Variants in BCAS3 observed in about 807,000 individuals in gnomAD.
BCAS3 encodes BCAS3 microtubule associated cell migration factor.
In BCAS3, 53 loss-of-function variants were observed where a neutral mutation model predicts 116.1. The observed-to-expected ratio is 0.46, with a 90% CI of 0.37 to 0.57. BCAS3 has a LOEUF of 0.57. Ranked by LOEUF, BCAS3 falls within the 20% of genes least tolerant of loss-of-function variation. The probability of loss-of-function intolerance (pLI) is 0.00; values close to 1 mark genes in which losing one functional copy is unlikely to be tolerated. For synonymous variants in BCAS3, 391 were observed against 408.2 expected (o/e 0.96, Z 0.51); for missense variants, 917 against 1,165.4 (o/e 0.79, Z 3.10).
At chr17:60,750,555 G>A (rs1201083620) in intron 6 of BCAS3, among the ~76,000 whole-genome samples, 2 of 152,172 alleles carry the variant, frequency 1.3e-5, no homozygotes, top group Non-Finnish European at 2.9e-5. Flanking sequence ...ACATGATTGT[G>A]TACATAGAAA....
In BCAS3 at chr17:61,032,293, T is replaced by C. The variant is rs1018484098; in HGVS notation, c.1638-2373T>C. 2.0e-5 allele frequency among the ~76,000 whole-genome samples: 3 copies of C among 152,162 alleles called. No homozygotes were observed. The highest frequency in any genetic ancestry group is 6.5e-5 in the Admixed American group (1 of 15,268). On this transcript the variant is annotated intron_variant, in intron 16 of 23. Transcript: ENST00000407086. This position sits in a 1 kb window ranked among gnomAD's most constrained non-coding sequence, Gnocchi z 4.6. Reference sequence around the variant, plus strand: ...GCTTTGAGTTTGTCCCAATGAAGCTTGTTGGTACATTGTAGTAGCTTTGTT... The same window carrying C: ...GCTTTGAGTTTGTCCCAATGAAGCTCGTTGGTACATTGTAGTAGCTTTGTT...
At chr17:61,386,436 C>T (rs552004398) in intron 23 of BCAS3, among the ~76,000 whole-genome samples, 2 of 152,212 alleles carry the variant, frequency 1.3e-5, no homozygotes, top group African/African-American at 4.8e-5. Flanking sequence ...CACCAGTCAG[C>T]GTGGGTGGAG....
At chr17:60,977,967 T>G (rs1002067587) in intron 14 of BCAS3, among the ~76,000 whole-genome samples, 2 of 143,344 alleles carry the variant, frequency 1.4e-5, no homozygotes, top group Admixed American at 1.3e-4. Flanking sequence ...AAAATACATG[T>G]GCATGTGTCT....
At chr17:61,342,873 C>T (rs942979277) in intron 22 of BCAS3, among the ~76,000 whole-genome samples, 9 of 151,964 alleles carry the variant, frequency 5.9e-5, no homozygotes, top group Non-Finnish European at 1.2e-4. Context: ...CCTCAGCCTC[C>T]GAACTAGCTG....
intron 9 of BCAS3, among the ~76,000 whole-genome samples, chr17:60,879,317 T>A (rs2055899627): frequency 6.6e-6 from 1 of 152,210 alleles, no homozygotes; most frequent in South Asian, 2.1e-4. Context: ...ACCTTTTTAG[T>A]GCATTGGTTA....
intron 22 of BCAS3, among the ~76,000 whole-genome samples, chr17:61,185,542 A>G (rs926981271): frequency 2.0e-5 from 3 of 152,162 alleles, no homozygotes; most frequent in African/African-American, 7.2e-5. Context: ...AGTGGTTGAT[A>G]CACTCCAGTT....
chr17:60,802,960 T>G (rs917289018), intron 6 of BCAS3, among the ~76,000 whole-genome samples: 3 of 151,448 alleles, frequency 2.0e-5, no homozygotes, highest in Admixed American at 2.0e-4. Flanking sequence ...TTTGGTTGTG[T>G]TGTTTGTTTG....
rs34693526 is a variant in BCAS3 at position 61,271,589 on chromosome 17, CTGTGTG to C, written c.2426-96698_2426-96693del. Among the ~76,000 whole-genome samples, 754 of 118,400 alleles carry C rather than the reference CTGTGTG, an allele frequency of 6.4e-3. 4 individuals are homozygous for C. The highest frequency in any genetic ancestry group is 0.011 in the South Asian group (34 of 3,134). 77.7% of individuals were successfully genotyped at this position (118,400 alleles called of 152,430 possible). A position where few individuals can be genotyped will look rare whatever the true frequency, so the allele number is the denominator to read the frequency against. The stretch of plus-strand genomic sequence containing the variant: ...CAGGCGCCCGCCATCACGCCCAGCT[CTGTGTG>C]TGTGTGTGTGTGTGTGTGTGTGTGT... On this transcript the variant is annotated intron_variant, in intron 22 of 23. Transcript: ENST00000407086.
Position 61,198,214 on chromosome 17 carries a change from T to C in BCAS3, c.2425+113650T>C, listed in dbSNP as rs112277990. Among the ~76,000 whole-genome samples the C allele has an allele frequency of 2.0e-5, 3 of 151,712 alleles. No homozygotes were observed. Among genetic ancestry groups the C allele is most frequent in the African/African-American group, 7.3e-5 (3 of 41,244 alleles). ...GGAGTGCAGTGGCCCAATCTCAGCTTACTGCAAGCTCCACCTCCCAGGTTC... is the reference window on the plus strand; with the variant it reads ...GGAGTGCAGTGGCCCAATCTCAGCTCACTGCAAGCTCCACCTCCCAGGTTC... On this transcript the variant is annotated intron_variant, in intron 22 of 23. Transcript: ENST00000407086. The surrounding 1 kb of genome is among the most constrained non-coding windows in gnomAD (Gnocchi z 5.0).
At chr17:60,857,740 C>G (rs927095845) in intron 7 of BCAS3, among the ~76,000 whole-genome samples, 1 of 152,150 alleles carries the variant, frequency 6.6e-6, no homozygotes, top group African/African-American at 2.4e-5. Flanking sequence ...GTGTTATTGG[C>G]AGGAAACGTG....
chr17:60,815,917 T>C (rs1426535866), intron 7 of BCAS3, among the ~76,000 whole-genome samples: 5 of 152,220 alleles, frequency 3.3e-5, no homozygotes, highest in Non-Finnish European at 7.3e-5. Context: ...TATATATATA[T>C]TTTGCCTAAG....
At chr17:60,884,702 C>T (rs1023817077) in intron 9 of BCAS3, among the ~76,000 whole-genome samples, 19 of 144,152 alleles carry the variant, frequency 1.3e-4, no homozygotes, top group Middle Eastern at 3.4e-3. Flanking sequence ...TCGTTATGTA[C>T]CCAGTAGTCA....
chr17:61,146,380 G>C (rs1267863098), intron 22 of BCAS3, among the ~76,000 whole-genome samples: 1 of 151,514 alleles, frequency 6.6e-6, no homozygotes, highest in Non-Finnish European at 1.5e-5. Context: ...GCCTCCTAAA[G>C]TGCTCGGATT....
In BCAS3 at chr17:61,309,231, G is replaced by A. The variant is rs115895636; in HGVS notation, c.2426-59096G>A. Among the ~76,000 whole-genome samples, 606 of 152,310 alleles carry A rather than the reference G, an allele frequency of 4.0e-3. 3 individuals are homozygous for A. Among genetic ancestry groups the A allele is most frequent in the African/African-American group, 0.014 (571 of 41,574 alleles). ...ATAAGGGAATTAGATAACTCTCTAC[G>A]TGATTTGCAAACACCTCAAAATTGT... On this transcript the variant is annotated intron_variant, in intron 22 of 23. Transcript: ENST00000407086. The surrounding 1 kb of genome is among the most constrained non-coding windows in gnomAD (Gnocchi z 4.6).
In BCAS3 at chr17:61,366,697, G is replaced by T. The variant is rs1418512514; in HGVS notation, c.2426-1630G>T. Among the ~76,000 whole-genome samples, 1 of 152,186 alleles carries T rather than the reference G, an allele frequency of 6.6e-6. No individual in the cohort carries two copies. Among genetic ancestry groups the T allele is most frequent in the East Asian group, 1.9e-4 (1 of 5,196 alleles). ...ATTCTCAAGTCCTACCTGACAAGCT[G>T]ATCCCAAGCAACCCACTCCTAAGGT... On this transcript the variant is annotated intron_variant, in intron 22 of 23. Transcript: ENST00000407086. This position sits in a 1 kb window ranked among gnomAD's most constrained non-coding sequence, Gnocchi z 4.5.
chr17:61,353,897 G>C (rs2058008883), intron 22 of BCAS3: 1 of 152,214 alleles, frequency 6.6e-6, no homozygotes, highest in East Asian at 1.9e-4. Flanking sequence ...CACTTTGTGT[G>C]ATAAATTGTA....
In BCAS3 at chr17:61,082,244, C is replaced by T. The variant is rs983249550; in HGVS notation, c.2328-2223C>T. Reference sequence around the variant, plus strand: ...TTTTATTTAACTGAGATATAATTCACATAACATGAAATTTACCAGTTTTAA... The same window carrying T: ...TTTTATTTAACTGAGATATAATTCATATAACATGAAATTTACCAGTTTTAA... On this transcript the variant is annotated intron_variant, in intron 21 of 23. Transcript: ENST00000407086. This position sits in a 1 kb window ranked among gnomAD's most constrained non-coding sequence, Gnocchi z 5.1. 6.6e-6 allele frequency among the ~76,000 whole-genome samples: 1 copy of T among 152,124 alleles called. No individual in the cohort carries two copies. The highest frequency in any genetic ancestry group is 2.4e-5 in the African/African-American group (1 of 41,434).
rs1188080336 is a variant in BCAS3, at chr17:61,285,376, C to G, written c.2426-82951C>G. Among the ~76,000 whole-genome samples the G allele has an allele frequency of 6.6e-6, 1 of 152,156 alleles. No homozygotes were observed. The highest frequency in any genetic ancestry group is 1.5e-5 in the Non-Finnish European group (1 of 68,038). On this transcript the variant is annotated intron_variant, in intron 22 of 23. Transcript: ENST00000407086. This position sits in a 1 kb window ranked among gnomAD's most constrained non-coding sequence, Gnocchi z 5.4. ...TGCTTCTCCAACATAACTTCCAGGT[C>G]TGAATACTTTGTTTTCTGCAGATTT...
intron 11 of BCAS3, among the ~76,000 whole-genome samples, chr17:60,909,908 G>C (rs1265053593): frequency 6.6e-6 from 1 of 152,076 alleles, no homozygotes; most frequent in Non-Finnish European, 1.5e-5. Context: ...TCTGTTACCA[G>C]ATAGAAAATA....
Sources: allele counts gnomAD v4.1 joint callset (sites outside exome capture counted in the v4.1 genomes callset), GRCh38; gene constraint gnomAD v4.1.1; non-coding constraint Gnocchi (gnomAD v3.1); transcripts MANE v1.5; gene names NCBI Gene and HGNC (gene_info 2026-07-23, HGNC 2026-07-21).